Variants in SDK1 observed in about 807,000 individuals in gnomAD.
SDK1 encodes the protein protein sidekick-1.
In SDK1, 157 loss-of-function variants were observed where a neutral mutation model predicts 245.5. That is an observed-to-expected ratio of 0.64 (90% CI 0.56 to 0.73). SDK1 has a LOEUF of 0.73. Ranked by LOEUF, SDK1 falls within the 30% of genes least tolerant of loss-of-function variation. The probability of loss-of-function intolerance (pLI) is 0.00; values close to 1 mark genes in which losing one functional copy is unlikely to be tolerated. For missense variants in SDK1, 3,583 were observed against 3,002.3 expected (o/e 1.19, Z -4.52); for synonymous variants, 1,647 against 1,278.5 (o/e 1.29, Z -6.15).
At chr7:3,789,562 G>A (rs571405332) in intron 4 of SDK1, among the ~76,000 whole-genome samples, 2 of 152,306 alleles carry the variant, frequency 1.3e-5, no homozygotes, top group East Asian at 1.9e-4. Flanking sequence ...CATTGGTCAC[G>A]TGTATATACT....
chr7:3,386,000 CTG>C (rs978459068), intron 1 of SDK1, among the ~76,000 whole-genome samples: 1 of 151,962 alleles, frequency 6.6e-6, no homozygotes, highest in Non-Finnish European at 1.5e-5. Context: ...ATGAGGGAAG[CTG>C]TGGTAAATAA....
At chr7:4,029,239 TCTCA>T (rs534295884) in intron 17 of SDK1, among the ~76,000 whole-genome samples, 31 of 128,666 alleles carry the variant, frequency 2.4e-4, no homozygotes, top group African/African-American at 9.5e-4. Flanking sequence ...TGTGAAGAAG[TCTCA>T]CTCTGTCATC....
At chr7:3,753,831 A>C (rs1481663861) in intron 4 of SDK1, among the ~76,000 whole-genome samples, 2 of 152,236 alleles carry the variant, frequency 1.3e-5, no homozygotes, top group African/African-American at 4.8e-5. Flanking sequence ...CTAGAATTGA[A>C]TACTTGGTAT....
At chr7:3,556,442 G>T (rs188281128) in intron 1 of SDK1, among the ~76,000 whole-genome samples, 1 of 152,062 alleles carries the variant, frequency 6.6e-6, no homozygotes, top group African/African-American at 2.4e-5. Context: ...GATGGTTAAT[G>T]GGTACAAAAA....
rs13232097 is a variant in SDK1, at chr7:4,127,433, G to T, written c.3876G>T (p.Gln1292His). The T allele has an allele frequency of 1.2e-6, 2 of 1,614,082 alleles. No homozygotes were observed. Among genetic ancestry groups the T allele is most frequent in the African/African-American group, 1.3e-5 (1 of 74,934 alleles). ...NVSAEAVSST[Q>H]ILLTWTSVPE... ...CAGCCGAGGCTGTCAGCTCGACCCA[G>T]ATTTTACTGACATGGACATCCGTGC... The change falls in exon 26 of 45, where the codon CAG becomes CAT. Residue 1292 changes from glutamine (Q) to histidine (H), a missense_variant. Transcript: ENST00000404826.
At chr7:4,247,096 G>T (rs547505858) in intron 44 of SDK1, among the ~76,000 whole-genome samples, 49 of 152,290 alleles carry the variant, frequency 3.2e-4, no homozygotes, top group African/African-American at 1.1e-3. Context: ...ACCAACCATT[G>T]GCTGTACACA....
intron 1 of SDK1, among the ~76,000 whole-genome samples, chr7:3,615,295 A>G (rs960268515): frequency 2.0e-5 from 3 of 151,662 alleles, no homozygotes; most frequent in African/African-American, 7.2e-5. Context: ...CAGCTTTATT[A>G]GACTGTTTGG....
chr7:3,913,539 C>T (rs183795197), intron 5 of SDK1, among the ~76,000 whole-genome samples: 1,685 of 152,104 alleles, frequency 0.011, 59 homozygotes, highest in Admixed American at 0.065. Context: ...GTGATCCACC[C>T]GCCTCGGCCT....
intron 1 of SDK1, among the ~76,000 whole-genome samples, chr7:3,319,216 C>T (rs1362337411): frequency 1.3e-5 from 2 of 152,136 alleles, no homozygotes; most frequent in East Asian, 1.9e-4. Flanking sequence ...GTTATTTTAA[C>T]GTTCTGCTTC....
intron 27 of SDK1, among the ~76,000 whole-genome samples, chr7:4,131,268 C>T (rs1584238092): frequency 1.3e-5 from 2 of 152,330 alleles, no homozygotes; most frequent in Non-Finnish European, 2.9e-5. Flanking sequence ...TCTCCCACAG[C>T]GCTCCTGTAG....
At chr7:4,095,322 C>T (rs1211033387) in intron 22 of SDK1, among the ~76,000 whole-genome samples, 1 of 151,122 alleles carries the variant, frequency 6.6e-6, no homozygotes, top group Non-Finnish European at 1.5e-5. Context: ...CCTCAGCTCC[C>T]CCATATCTGA....
chr7:4,091,341 T>TTTTCTTTTTC (rs1562795943), intron 22 of SDK1, among the ~76,000 whole-genome samples: 1 of 140,348 alleles, frequency 7.1e-6, no homozygotes, highest in African/African-American at 2.7e-5. Flanking sequence ...TTTCTTTTTT[T>TTTTCTTTTTC]TTTTTTTTTT....
At chr7:3,314,741 C>T (rs1053210428) in intron 1 of SDK1, among the ~76,000 whole-genome samples, 7 of 152,148 alleles carry the variant, frequency 4.6e-5, no homozygotes, top group Admixed American at 2.6e-4. Context: ...TAGATGAATA[C>T]TTCATAGCAA....
At chr7:4,123,127 A>G (rs1262259174) in intron 25 of SDK1, among the ~76,000 whole-genome samples, 3 of 152,148 alleles carry the variant, frequency 2.0e-5, no homozygotes, top group Non-Finnish European at 4.4e-5. Context: ...TTGTAGGTCT[A>G]TAGGGAGAAT....
rs138212351 is a variant in SDK1, at chr7:4,157,479, A to AAGGAAGGAGGGAAGGAAAGC, written c.4626-962_4626-961insAGGGAAGGAAAGCAGGAAGG. ...GTGGAAGGGAGAGAAGGAAGGAGGG[A>AAGGAAGGAGGGAAGGAAAGC]AGGAAGGGAGGAAGAGGGGAGAGAA... On this transcript the variant is annotated intron_variant, in intron 30 of 44. Coordinates refer to ENST00000404826, the MANE Select transcript of SDK1 (RefSeq NM_152744.4). Among the ~76,000 whole-genome samples the AAGGAAGGAGGGAAGGAAAGC allele has an allele frequency of 1.4e-3, 145 of 102,560 alleles. 5 individuals are homozygous for AAGGAAGGAGGGAAGGAAAGC. In the South Asian group the frequency reaches 0.023, roughly 17 times the overall value. The allele number at this position is 102,560 out of a possible 152,430, so 67.3% of individuals were successfully genotyped here. A position where few individuals can be genotyped will look rare whatever the true frequency, so the allele number is the denominator to read the frequency against.
At chr7:4,214,732 G>C (rs1200199957) in intron 38 of SDK1, among the ~76,000 whole-genome samples, 3 of 152,204 alleles carry the variant, frequency 2.0e-5, no homozygotes, top group Non-Finnish European at 2.9e-5. Flanking sequence ...ATCCAGGTGT[G>C]GATTGCCCAG....
rs1486926440 is a variant in SDK1, at chr7:4,074,856, T to TACTTTCTCTCTCTCTCTCTCTCTCTC, written c.3011-2142_3011-2141insACTTTCTCTCTCTCTCTCTCTCTCTC. On this transcript the variant is annotated intron_variant, in intron 20 of 44. Coordinates refer to ENST00000404826, the MANE Select transcript of SDK1 (RefSeq NM_152744.4). ...CCAGCCTGGGCAACAGAGCAAGACT[T>TACTTTCTCTCTCTCTCTCTCTCTCTC]TCTCTCTCTCTCTCTCTCTCTCTCT... is the stretch of plus-strand genomic sequence containing the variant. Among the ~76,000 whole-genome samples the TACTTTCTCTCTCTCTCTCTCTCTCTC allele has an allele frequency of 6.6e-3, 473 of 71,976 alleles. 28 individuals are homozygous for TACTTTCTCTCTCTCTCTCTCTCTCTC. The highest frequency in any genetic ancestry group is 0.011 in the South Asian group (22 of 1,944). The allele number at this position is 71,976 out of a possible 152,430, so 47.2% of individuals were successfully genotyped here.
chr7:3,744,992 A>G (rs1458266258), intron 4 of SDK1, among the ~76,000 whole-genome samples: 1 of 152,194 alleles, frequency 6.6e-6, no homozygotes, highest in Non-Finnish European at 1.5e-5. Flanking sequence ...GTGATGAGAA[A>G]AAAGTAGCAG....
At chr7:3,582,045 TCTCCCTCAGGTAGGC>T (rs1262789706) in intron 1 of SDK1, among the ~76,000 whole-genome samples, 4 of 149,142 alleles carry the variant, frequency 2.7e-5, no homozygotes, top group East Asian at 4.0e-4. Flanking sequence ...CTCAGGTAGG[TCTCCCTCAGGTAGGC>T]CTGTCTCAGG....
Sources: gnomAD v4.1 joint callset for allele counts (sites outside exome capture counted in the v4.1 genomes callset) on GRCh38, gnomAD v4.1.1 for gene constraint, MANE v1.5 for transcripts, NCBI Gene and HGNC (gene_info 2026-07-23, HGNC 2026-07-21) for gene names.